STXBP3: variants seen among roughly 807,000 people sequenced by gnomAD.
The protein encoded by STXBP3 is syntaxin binding protein 3, also known as syntaxin-binding protein 3.
In STXBP3, 41 loss-of-function variants were observed where a neutral mutation model predicts 85.7. The observed-to-expected ratio is 0.48, with a 90% CI of 0.37 to 0.62. The LOEUF is 0.62. Ranked by LOEUF, STXBP3 falls within the 20% of genes least tolerant of loss-of-function variation. The pLI, the probability that STXBP3 is intolerant of heterozygous loss-of-function variation, is 0.00. For missense variants in STXBP3, 563 were observed against 703.1 expected, an observed-to-expected ratio of 0.80 and a Z score of 2.25; for synonymous variants, 229 against 231.7, an observed-to-expected ratio of 0.99 and a Z score of 0.10.
intron 15 of STXBP3, 90 bp downstream of exon 15, chr1:108,796,816 CTTCTT>C: frequency 1.2e-6 from 1 of 825,212 alleles, no homozygotes; most frequent in East Asian, 3.1e-5. Context: ...TGTGGACAGT[CTTCTT>C]AAGTTCACTC....
chr1:108,770,388 A>T (rs1662359104), intron 6 of STXBP3, among the ~76,000 whole-genome samples: 1 of 152,170 alleles, frequency 6.6e-6, no homozygotes, highest in South Asian at 2.1e-4. Flanking sequence ...CGTGCGATAA[A>T]TGTTTTTAAT....
intron 11 of STXBP3, among the ~76,000 whole-genome samples, chr1:108,790,075 C>A (rs978591434): frequency 6.7e-6 from 1 of 150,208 alleles, no homozygotes; most frequent in Admixed American, 6.6e-5. Context: ...AATATAAATT[C>A]TGTATGTGTC....
chr1:108,761,810 A>G (rs1373588489), intron 6 of STXBP3, among the ~76,000 whole-genome samples: 1 of 152,080 alleles, frequency 6.6e-6, no homozygotes, highest in Admixed American at 6.6e-5. Context: ...GTCTCTACTA[A>G]AAATACAAAA....
At chr1:108,790,617 C>T (rs567910667) in intron 11 of STXBP3, among the ~76,000 whole-genome samples, 18 of 151,778 alleles carry the variant, frequency 1.2e-4, no homozygotes, top group African/African-American at 3.6e-4. Flanking sequence ...GTTTTCACTT[C>T]ATTTTTTATA....
rs143286845 is a variant in STXBP3, at chr1:108,804,763, G to A, written c.1536-2638G>A. ...CAGGCCTGTGGCTAAATTATCAGAG[G>A]AGAAGCTTCCTTGCATCTCCCCTTG... is the stretch of plus-strand genomic sequence containing the variant. On this transcript the variant is annotated intron_variant, in intron 17 of 18. Coordinates refer to ENST00000370008, the MANE Select transcript of STXBP3 (RefSeq NM_007269.4). 2.2e-3 allele frequency among the ~76,000 whole-genome samples: 340 copies of A among 152,290 alleles called. 4 individuals are homozygous for A. The highest frequency in any genetic ancestry group is 7.7e-3 in the African/African-American group (320 of 41,564).
chr1:108,774,971 A>T (rs988678341), intron 7 of STXBP3, among the ~76,000 whole-genome samples: 2 of 141,896 alleles, frequency 1.4e-5, no homozygotes, highest in Admixed American at 8.0e-5. Flanking sequence ...TGTCTTTTAA[A>T]ATTCTACCTG....
Position 108,779,297 on chromosome 1 carries a change from T to A in STXBP3, c.696T>A (p.His232Gln). 1 of 1,611,960 alleles carries A rather than the reference T, an allele frequency of 6.2e-7. No individual in the cohort carries two copies. The highest frequency in any genetic ancestry group is 8.5e-7 in the Non-Finnish European group (1 of 1,178,826). ...DEKSLIKGKT[H>Q]SQLLIIDRGF... ...TCTTGTTATTCTAGGGTAAAACTCATTCACAGCTCTTAATAATTGATCGTG... is the reference window on the plus strand; with the variant it reads ...TCTTGTTATTCTAGGGTAAAACTCAATCACAGCTCTTAATAATTGATCGTG... Residue 232 changes from histidine to glutamine, a missense_variant, in exon 9 of 19, where the codon CAT becomes CAA. This residue lies in a region of STXBP3 where 494 missense variants were observed against 592.8 expected (regional missense o/e 0.83). Coordinates refer to ENST00000370008, the MANE Select transcript of STXBP3 (RefSeq NM_007269.4).
chr1:108,789,607 T>C (rs919998081), intron 11 of STXBP3, among the ~76,000 whole-genome samples: 2 of 152,222 alleles, frequency 1.3e-5, no homozygotes, highest in East Asian at 1.9e-4. Context: ...CTAACCCTTA[T>C]TATGATTTCT....
At chr1:108,750,645 CAGTT>C (rs780508270) in intron 1 of STXBP3, among the ~76,000 whole-genome samples, 14 of 152,236 alleles carry the variant, frequency 9.2e-5, no homozygotes, top group South Asian at 8.3e-4. Flanking sequence ...GTAGGATATC[CAGTT>C]AGTTAGGAAC....
chr1:108,772,491 TG>T (rs1169875937), intron 6 of STXBP3, among the ~76,000 whole-genome samples, 173 bp from the exon 7 acceptor site: 1 of 145,422 alleles, frequency 6.9e-6, no homozygotes, highest in African/African-American at 2.5e-5. Flanking sequence ...TATAAATACA[TG>T]ATATCTATCT....
At chr1:108,795,514 A>AG (rs1663071210) in intron 13 of STXBP3, among the ~76,000 whole-genome samples, 1 of 151,920 alleles carries the variant, frequency 6.6e-6, no homozygotes, top group South Asian at 2.1e-4. Context: ...GAAAAAAAAA[A>AG]CTTTGACAAC....
Position 108,776,338 on chromosome 1 carries a change from C to G in STXBP3, c.599C>G (p.Pro200Arg). 1 of 1,602,500 alleles carries G rather than the reference C, an allele frequency of 6.2e-7. No individual in the cohort carries two copies. Among genetic ancestry groups the G allele is most frequent in the Non-Finnish European group, 8.5e-7 (1 of 1,173,416 alleles). ...ATCCTTTTTTCCATTTCTAGTAAAC[C>G]TCTAGATAATGCCAGTAAGCTTGCA... ...ENPGVRYKSKPLDNASKLAQL... is the reference protein window; with the variant it reads ...ENPGVRYKSKRLDNASKLAQL... The change falls in exon 8 of 19, where the codon CCT (proline) becomes CGT (arginine). Residue 200 changes from proline (P) to arginine (R), a missense_variant. Around this residue, in one of 3 missense-constraint regions of STXBP3, gnomAD observed 494 missense variants for 592.8 expected, o/e 0.83. Coordinates refer to ENST00000370008, the MANE Select transcript of STXBP3 (RefSeq NM_007269.4).
intron 17 of STXBP3, among the ~76,000 whole-genome samples, chr1:108,807,175 T>C (rs890243541): frequency 1.1e-4 from 17 of 150,016 alleles, no homozygotes; most frequent in Admixed American, 1.1e-3. Context: ...TTGCTTGAAC[T>C]GTGACCCAGG....
chr1:108,752,992 G>GGATAA, intron 2 of STXBP3, 71 bp from the exon 3 acceptor site: 1 of 1,201,504 alleles, frequency 8.3e-7, no homozygotes, highest in Non-Finnish European at 1.1e-6. Context: ...AAAGTTTAAT[G>GGATAA]GATAAAATTC....
chr1:108,764,804 A>G (rs868173536), intron 6 of STXBP3, among the ~76,000 whole-genome samples: 58 of 152,290 alleles, frequency 3.8e-4, no homozygotes, highest in African/African-American at 1.3e-3. Context: ...ATAGTTTGCA[A>G]ATACTTTCTC....
intron 11 of STXBP3, among the ~76,000 whole-genome samples, chr1:108,782,989 G>A (rs1235257524): frequency 6.6e-6 from 1 of 152,134 alleles, no homozygotes; most frequent in African/African-American, 2.4e-5. Context: ...TGCAGTCTCC[G>A]CCTCCCAGGC....
At chr1:108,779,435 A>G (rs1662668965) in intron 9 of STXBP3, 25 bp downstream of exon 9, 1 of 1,602,502 alleles carries the variant, frequency 6.2e-7, no homozygotes, top group East Asian at 2.2e-5. Context: ...AAGGGCATAT[A>G]AAGGGCATAT....
At chr1:108,760,229 A>G in intron 6 of STXBP3, 144 bp downstream of exon 6, 1 of 518,338 alleles carries the variant, frequency 1.9e-6, no homozygotes, top group Non-Finnish European at 3.3e-6. Flanking sequence ...ATTTCCCATG[A>G]TGAAGTCAGA....
At chr1:108,774,667 G>A (rs1329481191) in intron 7 of STXBP3, among the ~76,000 whole-genome samples, 2 of 142,416 alleles carry the variant, frequency 1.4e-5, no homozygotes, top group Non-Finnish European at 1.5e-5. Context: ...TTTTTGAGAT[G>A]GGGGTCTCTA....
Sources: gnomAD v4.1 joint callset for allele counts (sites outside exome capture counted in the v4.1 genomes callset) on GRCh38, gnomAD v4.1.1 for gene constraint, gnomAD v4.1.1 regional missense constraint, MANE v1.5 for transcripts, NCBI Gene and HGNC (gene_info 2026-07-23, HGNC 2026-07-21) for gene names.